Variants in GABRB1 observed in about 807,000 individuals in gnomAD.
GABRB1 encodes gamma-aminobutyric acid type A receptor subunit beta1.
GABRB1 carries 17 observed loss-of-function variants against 51.6 expected under a neutral mutation model. The ratio of observed to expected loss-of-function variants is 0.33; its 90% CI spans 0.23 to 0.49. The LOEUF (loss-of-function observed/expected upper bound fraction) is 0.49, where lower values mean the gene tolerates loss of function less well. Ranked by LOEUF, GABRB1 falls within the 20% of genes least tolerant of loss-of-function variation. GABRB1 has a pLI of 0.99. For missense variants in GABRB1, 410 were observed against 600.6 expected (o/e 0.68, Z 3.32); for synonymous variants, 247 against 218.9 (o/e 1.13, Z -1.14).
chr4:47,008,590 G>C (rs11737061), intron 1 of GABRB1, among the ~76,000 whole-genome samples: 82,139 of 148,528 alleles, frequency 0.55, 23,080 homozygotes, highest in Non-Finnish European at 0.6. Flanking sequence ...AGCCTCCCGG[G>C]TAGCTGGGAT....
At chr4:47,179,990 G>C (rs778501038) in intron 4 of GABRB1, among the ~76,000 whole-genome samples, 3 of 152,058 alleles carry the variant, frequency 2.0e-5, no homozygotes, top group African/African-American at 4.8e-5. Flanking sequence ...AGAATTGCTT[G>C]AGCACATGAG....
intron 3 of GABRB1, among the ~76,000 whole-genome samples, chr4:47,098,929 A>G (rs764472853): frequency 2.2e-4 from 33 of 152,096 alleles, no homozygotes; most frequent in Admixed American, 2.2e-3. Context: ...AGAAGATCTT[A>G]TTCCATTATT....
upstream of GABRB1, among the ~76,000 whole-genome samples, chr4:47,029,410 ATCTTT>A (rs1725210092): frequency 6.6e-6 from 1 of 151,150 alleles, no homozygotes; most frequent in Admixed American, 6.6e-5. Flanking sequence ...GTGGCTTTTG[ATCTTT>A]TCTTATTTAC....
chr4:47,100,458 A>G (rs1404480035), intron 3 of GABRB1, among the ~76,000 whole-genome samples: 1 of 151,974 alleles, frequency 6.6e-6, no homozygotes, highest in Non-Finnish European at 1.5e-5. Context: ...AAATGAGTCA[A>G]ATGTTTTGAT....
intron 3 of GABRB1, among the ~76,000 whole-genome samples, chr4:47,095,619 G>A (rs559749674): frequency 3.9e-5 from 6 of 152,286 alleles, no homozygotes; most frequent in African/African-American, 7.2e-5. Flanking sequence ...TGATTCATAC[G>A]ATCTTTTAAT....
chr4:47,039,931 A>G (rs1395073615), intron 3 of GABRB1, among the ~76,000 whole-genome samples: 10 of 152,196 alleles, frequency 6.6e-5, no homozygotes, highest in Admixed American at 6.5e-5. Flanking sequence ...CTATAAACAT[A>G]TATTTGTTTG....
At chr4:46,998,551 C>T (rs1458536078) in intron 1 of GABRB1, among the ~76,000 whole-genome samples, 3 of 151,558 alleles carry the variant, frequency 2.0e-5, no homozygotes, top group Non-Finnish European at 4.4e-5. Flanking sequence ...GGCTAACATG[C>T]CGAAACCCCG....
chr4:47,107,823 T>C (rs887075174), intron 3 of GABRB1, among the ~76,000 whole-genome samples: 1 of 152,048 alleles, frequency 6.6e-6, no homozygotes, highest in African/African-American at 2.4e-5. Flanking sequence ...AAAACAGGAT[T>C]TTCCCAAAAC....
At chr4:47,139,421 AC>A (rs1476475133) in intron 3 of GABRB1, among the ~76,000 whole-genome samples, 1 of 152,044 alleles carries the variant, frequency 6.6e-6, no homozygotes, top group Non-Finnish European at 1.5e-5. Context: ...CCATCTCAGG[AC>A]AAACAAGGAA....
intron 3 of GABRB1, among the ~76,000 whole-genome samples, chr4:47,096,733 T>C (rs1191885208): frequency 6.6e-6 from 1 of 152,064 alleles, no homozygotes; most frequent in African/African-American, 2.4e-5. Context: ...TATGTGACAA[T>C]GGAAGAAGAG....
chr4:47,097,421 G>A (rs546969964), intron 3 of GABRB1, among the ~76,000 whole-genome samples: 4 of 152,212 alleles, frequency 2.6e-5, no homozygotes, highest in East Asian at 1.9e-4. Context: ...ACCTAATCAA[G>A]TGAATCTTCC....
chr4:47,378,570 C>T (rs915248618), intron 5 of GABRB1, among the ~76,000 whole-genome samples: 4 of 152,292 alleles, frequency 2.6e-5, no homozygotes, highest in Admixed American at 6.5e-5. Context: ...GAGGAGGCGC[C>T]GAGAGCCAGC....
rs559278924 is a variant in GABRB1 at position 47,016,560 on chromosome 4, A to ATTATTTATTTATTTAT, written c.-19-15341_-19-15326dup. 4.0e-4 allele frequency among the ~76,000 whole-genome samples: 60 copies of ATTATTTATTTATTTAT among 151,680 alleles called. 1 individual carries two copies. The highest frequency in any genetic ancestry group is 3.4e-3 in the Middle Eastern group (1 of 294). ...GGTGACAAAATTTCTATCTGTGCAGATTATTTATTTATTTATTTATTTATT... is the reference window on the plus strand; with the variant it reads ...GGTGACAAAATTTCTATCTGTGCAGATTATTTATTTATTTATTTATTTATTTATTTATTTATTTATT... On this transcript the variant is annotated intron_variant, in intron 1 of 3. Coordinates refer to the GABRB1 transcript ENST00000513567.
At chr4:47,007,253 G>A (rs1724433573) in intron 1 of GABRB1, among the ~76,000 whole-genome samples, 1 of 152,150 alleles carries the variant, frequency 6.6e-6, no homozygotes, top group African/African-American at 2.4e-5. Flanking sequence ...AGCAAAGGAT[G>A]CTTTATCTGT....
intron 5 of GABRB1, among the ~76,000 whole-genome samples, chr4:47,346,434 C>T (rs928443613): frequency 1.3e-5 from 2 of 148,846 alleles, no homozygotes; most frequent in Admixed American, 6.7e-5. Context: ...TTGAAAGAAA[C>T]TGTGACTATT....
chr4:47,209,414 T>G (rs1720264167), intron 4 of GABRB1, among the ~76,000 whole-genome samples: 1 of 152,200 alleles, frequency 6.6e-6, no homozygotes, highest in Non-Finnish European at 1.5e-5. Flanking sequence ...TCATATTTTA[T>G]AAGTTTAGAC....
intron 4 of GABRB1, among the ~76,000 whole-genome samples, chr4:47,227,241 G>T (rs542226243): frequency 1.3e-5 from 2 of 152,078 alleles, no homozygotes; most frequent in African/African-American, 4.8e-5. Context: ...GTGCAAAATT[G>T]TATTGCTTCC....
rs1715840015 is a variant in GABRB1 at position 47,122,825 on chromosome 4, GC to G, written c.241-38423del. ...GCTCACTGGAAACAAGTAGAAAGGAGCAAGTACTTTCTTCTTCCCCTAGCCT... is the reference window on the plus strand; with the variant it reads ...GCTCACTGGAAACAAGTAGAAAGGAGAAGTACTTTCTTCTTCCCCTAGCCT... On this transcript the variant is annotated intron_variant, in intron 3 of 8. Coordinates refer to ENST00000295454, the MANE Select transcript of GABRB1 (RefSeq NM_000812.4). Among the ~76,000 whole-genome samples the G allele has an allele frequency of 3.9e-5, 6 of 152,254 alleles. No individual in the cohort carries two copies. In the South Asian group the frequency reaches 1.2e-3, roughly 32 times the overall value.
intron 4 of GABRB1, among the ~76,000 whole-genome samples, chr4:47,181,855 C>T (rs1718963079): frequency 6.6e-6 from 1 of 152,020 alleles, no homozygotes; most frequent in Non-Finnish European, 1.5e-5. Flanking sequence ...GGGTTGTAAT[C>T]ACCTCATAAT....
Sources: allele counts gnomAD v4.1 joint callset (sites outside exome capture counted in the v4.1 genomes callset), GRCh38; gene constraint gnomAD v4.1.1; transcripts MANE v1.5; gene names NCBI Gene and HGNC (gene_info 2026-07-23, HGNC 2026-07-21).